The following EYS variants were observed in gnomAD, a reference collection of about 807,000 sequenced individuals.
EYS encodes the protein protein eyes shut homolog.
Under a neutral mutation model 282.1 loss-of-function variants are expected in EYS, and 250 were observed. That is an observed-to-expected ratio of 0.89 (90% CI 0.80 to 0.98). The LOEUF (loss-of-function observed/expected upper bound fraction) is 0.98, where lower values mean the gene tolerates loss of function less well. Among genes scored for constraint, EYS ranks in the 50% least tolerant of loss-of-function variants. The pLI, the probability that EYS is intolerant of heterozygous loss-of-function variation, is 0.00. For synonymous variants in EYS, 1,355 were observed against 1,282.9 expected, an observed-to-expected ratio of 1.06 and a Z score of -1.20; for missense variants, 4,016 against 3,709.0, an observed-to-expected ratio of 1.08 and a Z score of -2.15.
chr6:64,279,428 G>C (rs555152928), intron 30 of EYS, among the ~76,000 whole-genome samples: 1 of 152,152 alleles, frequency 6.6e-6, no homozygotes, highest in Admixed American at 6.5e-5. Context: ...AGGAATAAAG[G>C]CCATGACCAC....
intron 12 of EYS, among the ~76,000 whole-genome samples, chr6:65,227,474 A>C (rs1169420179): frequency 6.6e-6 from 1 of 152,152 alleles, no homozygotes. Context: ...TAAAACGATA[A>C]AGCCACTGTA....
chr6:64,719,520 G>A (rs1239190397), intron 22 of EYS, among the ~76,000 whole-genome samples: 1 of 152,154 alleles, frequency 6.6e-6, no homozygotes, highest in Admixed American at 6.5e-5. Context: ...CAGCATGAAA[G>A]GAACAAAAGA....
chr6:64,559,271 ATGTGTGTGTG>A (rs4034160), intron 26 of EYS, among the ~76,000 whole-genome samples: 3 of 142,314 alleles, frequency 2.1e-5, no homozygotes, highest in East Asian at 4.2e-4. Context: ...GTGTGTGTGC[ATGTGTGTGTG>A]TGTGTGTGTG....
At chr6:65,309,758 T>C (rs547153452) in intron 11 of EYS, among the ~76,000 whole-genome samples, 1 of 152,320 alleles carries the variant, frequency 6.6e-6, no homozygotes, top group East Asian at 1.9e-4. Context: ...ATTCTATGGT[T>C]ATCCTTTATG....
At chr6:65,486,462 CA>C (rs1273783799) in intron 5 of EYS, among the ~76,000 whole-genome samples, 4 of 152,222 alleles carry the variant, frequency 2.6e-5, no homozygotes, top group South Asian at 2.1e-4. Context: ...TTTGATTAAA[CA>C]GCTAAAAAAA....
At chr6:64,981,840 G>A (rs182569507) in intron 14 of EYS, among the ~76,000 whole-genome samples, 25 of 151,454 alleles carry the variant, frequency 1.7e-4, no homozygotes, top group Non-Finnish European at 2.5e-4. Context: ...GAGGGAGAGG[G>A]GGTTGTAAGT....
At chr6:65,317,821 C>T (rs866525641) in intron 11 of EYS, among the ~76,000 whole-genome samples, 5 of 51,534 alleles carry the variant, frequency 9.7e-5, no homozygotes, top group East Asian at 4.5e-4. Context: ...TTCCTTCCTT[C>T]CTTCCTTTCT....
intron 26 of EYS, among the ~76,000 whole-genome samples, chr6:64,569,026 GAA>G (rs4034162): frequency 0.016 from 1,595 of 101,746 alleles, 47 homozygotes; most frequent in East Asian, 0.14. Context: ...AGATGGAAAA[GAA>G]AAAAAAAAAA....
At chr6:64,326,421 C>A (rs535895693) in intron 29 of EYS, among the ~76,000 whole-genome samples, 2 of 152,136 alleles carry the variant, frequency 1.3e-5, no homozygotes, top group African/African-American at 4.8e-5. Context: ...GTAATGCTGC[C>A]TTTGTTTCTT....
intron 29 of EYS, among the ~76,000 whole-genome samples, chr6:64,329,962 G>A (rs1385917828): frequency 6.6e-6 from 1 of 152,084 alleles, no homozygotes; most frequent in Non-Finnish European, 1.5e-5. Context: ...TTTGAGTGGG[G>A]CTTATCACAG....
Position 65,443,349 on chromosome 6 carries a change from GACATATAT to G in EYS, c.863-37990_863-37983del, listed in dbSNP as rs1164508798. Among the ~76,000 whole-genome samples the G allele has an allele frequency of 4.7e-4, 49 of 103,306 alleles. 10 individuals carry two copies. The highest frequency in any genetic ancestry group is 1.2e-3 in the Non-Finnish European group (48 of 40,368). 67.8% of individuals were successfully genotyped at this position (103,306 alleles called of 152,430 possible). A position where few individuals can be genotyped will look rare whatever the true frequency, so the allele number is the denominator to read the frequency against. Reference sequence around the variant, plus strand: ...ATGCATACATGTATGTACACATATAGACATATATGCATACATGTATGTACACATATAGA... The same window carrying G: ...ATGCATACATGTATGTACACATATAGGCATACATGTATGTACACATATAGA... On this transcript the variant is annotated intron_variant, in intron 5 of 42. Transcript: ENST00000503581.
At chr6:63,794,035 G>C (rs780648150) in intron 37 of EYS, among the ~76,000 whole-genome samples, 22 of 152,212 alleles carry the variant, frequency 1.4e-4, no homozygotes, top group Non-Finnish European at 3.1e-4. Flanking sequence ...CCATGCAGCA[G>C]AGAAGGAGAA....
intron 13 of EYS, among the ~76,000 whole-genome samples, chr6:65,035,213 C>G (rs577354657): frequency 6.6e-6 from 1 of 152,098 alleles, no homozygotes; most frequent in Non-Finnish European, 1.5e-5. Flanking sequence ...GAATATACTT[C>G]AAAATACTAA....
intron 26 of EYS, among the ~76,000 whole-genome samples, chr6:64,533,992 G>A (rs1647414134): frequency 6.6e-6 from 1 of 151,850 alleles, no homozygotes; most frequent in African/African-American, 2.4e-5. Context: ...TATGGTATTA[G>A]AAATCATAAA....
At chr6:64,264,030 C>T (rs1045624369) in intron 30 of EYS, among the ~76,000 whole-genome samples, 2 of 152,056 alleles carry the variant, frequency 1.3e-5, no homozygotes. Context: ...TGTTGCATAG[C>T]TAAAGCTTAA....
chr6:63,857,639 G>T, intron 36 of EYS: 1 of 446,234 alleles, frequency 2.2e-6, no homozygotes, highest in South Asian at 1.7e-5. Context: ...ATTTTCTGGA[G>T]CTGGAGACTT....
At chr6:64,500,533 T>A (rs568001747) in intron 26 of EYS, among the ~76,000 whole-genome samples, 2 of 152,006 alleles carry the variant, frequency 1.3e-5, no homozygotes, top group African/African-American at 4.8e-5. Flanking sequence ...GAAAAAAAAA[T>A]TGTGTAGGTA....
intron 19 of EYS, among the ~76,000 whole-genome samples, chr6:64,848,956 A>C (rs1309715708): frequency 2.6e-5 from 4 of 152,090 alleles, no homozygotes; most frequent in African/African-American, 9.7e-5. Flanking sequence ...TGAATACCCT[A>C]ATATTTTTAT....
At chr6:65,442,653 C>T (rs1768381195) in intron 5 of EYS, among the ~76,000 whole-genome samples, 1 of 151,822 alleles carries the variant, frequency 6.6e-6, no homozygotes, top group South Asian at 2.1e-4. Flanking sequence ...ATCTGGGTGT[C>T]TGAGGCAGGA....
Sources: gnomAD v4.1 joint callset for allele counts (sites outside exome capture counted in the v4.1 genomes callset) on GRCh38, gnomAD v4.1.1 for gene constraint, MANE v1.5 for transcripts, NCBI Gene and HGNC (gene_info 2026-07-23, HGNC 2026-07-21) for gene names.